S100A13: variants seen among roughly 807,000 people sequenced by gnomAD.
The protein encoded by S100A13 is S100 calcium binding protein A13.
In S100A13, 6 loss-of-function variants were observed where a neutral mutation model predicts 8.2. The observed-to-expected ratio is 0.73, with a 90% CI of 0.40 to 1.44. The LOEUF (loss-of-function observed/expected upper bound fraction) is 1.44, where lower values mean the gene tolerates loss of function less well. Among genes scored for constraint, S100A13 ranks in the 40% most tolerant of loss-of-function variants. The probability of loss-of-function intolerance (pLI) is 0.02; values close to 1 mark genes in which losing one functional copy is unlikely to be tolerated. For missense variants in S100A13, 114 were observed against 113.6 expected (o/e 1.00, Z -0.02); for synonymous variants, 39 against 45.9 (o/e 0.85, Z 0.61).
upstream of S100A13, chr1:153,634,206 C>T (rs1272926186): frequency 6.5e-6 from 1 of 152,784 alleles, no homozygotes; most frequent in Non-Finnish European, 1.5e-5. Context: ...TCGCATACTA[C>T]CGCTTACGCA....
upstream of S100A13, chr1:153,634,104 G>T (rs1365908627): frequency 3.3e-5 from 5 of 152,844 alleles, no homozygotes; most frequent in African/African-American, 1.2e-4. Context: ...GCAGGAGCTG[G>T]CGGCCGCTGC....
intron 2 of S100A13, among the ~76,000 whole-genome samples, chr1:153,625,096 G>A (rs1463769909): frequency 6.6e-6 from 1 of 152,102 alleles, no homozygotes; most frequent in Non-Finnish European, 1.5e-5. Context: ...AAATTAGCCA[G>A]GCAGTGTGGC....
rs779243655 is a variant in S100A13, at chr1:153,626,365, G to T, written c.108C>A (p.Asn36Lys). 6.2e-7 allele frequency: 1 copy of T among 1,614,170 alleles called. No individual in the cohort carries two copies. Among genetic ancestry groups the T allele is most frequent in the Admixed American group, 1.7e-5 (1 of 60,026 alleles). The change falls in exon 2 of 3, where the codon AAC (asparagine) becomes AAA (lysine). Residue 36 changes from asparagine (N) to lysine (K), a missense_variant. Asn to Lys is a moderately conservative substitution (Grantham distance 94, BLOSUM62 0). Coordinates refer to ENST00000476133, the MANE Select transcript of S100A13 (RefSeq NM_001024211.2). ...QEGRKDSLSV[N>K]EFKELVTQQL... The stretch of plus-strand genomic sequence containing the variant: ...GCTGGGTAACCAGCTCTTTGAACTC[G>T]TTGACGCTGAGGCTATCCTTCCGGC...
upstream of S100A13, chr1:153,630,134 C>T (rs1465822007): frequency 1.5e-5 from 5 of 338,752 alleles, no homozygotes; most frequent in Non-Finnish European, 2.7e-5. Flanking sequence ...AAAATAGAGC[C>T]AGAGGAAGCA....
At chr1:153,620,245 C>T (rs1207448780) in intron 2 of S100A13, among the ~76,000 whole-genome samples, 3 of 151,850 alleles carry the variant, frequency 2.0e-5, no homozygotes, top group Admixed American at 6.6e-5. Flanking sequence ...AGAGATCGCG[C>T]CATTGCACTC....
upstream of S100A13, chr1:153,631,404 G>A (rs1052257745): frequency 7.4e-5 from 106 of 1,423,844 alleles, no homozygotes; most frequent in Non-Finnish European, 3.5e-5. Context: ...CACATTATTT[G>A]TATTAGAATT....
At chr1:153,620,973 T>G (rs904273875) in intron 2 of S100A13, among the ~76,000 whole-genome samples, 3 of 151,862 alleles carry the variant, frequency 2.0e-5, no homozygotes, top group African/African-American at 7.3e-5. Context: ...TGGGAACAAT[T>G]CCCATGGATA....
chr1:153,624,006 G>C (rs1667444745), intron 2 of S100A13, among the ~76,000 whole-genome samples: 1 of 152,160 alleles, frequency 6.6e-6, no homozygotes, highest in South Asian at 2.1e-4. Flanking sequence ...TGAGGAGGAA[G>C]GGCAATGAGG....
chr1:153,621,552 A>G (rs1333621836), intron 2 of S100A13, among the ~76,000 whole-genome samples: 1 of 151,516 alleles, frequency 6.6e-6, no homozygotes, highest in Non-Finnish European at 1.5e-5. Context: ...GCGGGTGGAT[A>G]ACTCGAGGTC....
chr1:153,627,859 C>T (rs1667762339), upstream of S100A13: 6 of 644,054 alleles, frequency 9.3e-6, no homozygotes, highest in Non-Finnish European at 1.6e-5. Flanking sequence ...ACTGAGAGGC[C>T]CAATCTGAGA....
At chr1:153,619,441 A>C (rs1272326254) in intron 2 of S100A13, among the ~76,000 whole-genome samples, 1 of 152,236 alleles carries the variant, frequency 6.6e-6, no homozygotes, top group African/African-American at 2.4e-5. Flanking sequence ...GGTTGGACCC[A>C]GTCAGAGCCT....
upstream of S100A13, chr1:153,627,986 G>A (rs1667771845): frequency 8.5e-6 from 13 of 1,527,268 alleles, no homozygotes; most frequent in South Asian, 1.6e-4. Context: ...GAGACCCCCA[G>A]AGAAGAGTCC....
chr1:153,621,014 C>G (rs1481400072), intron 2 of S100A13, among the ~76,000 whole-genome samples: 1 of 151,540 alleles, frequency 6.6e-6, no homozygotes, highest in Non-Finnish European at 1.5e-5. Flanking sequence ...TCATATTATA[C>G]CACAGGGATA....
chr1:153,626,447 A>G lies in S100A13; in HGVS notation c.26T>C (p.Leu9Pro). 1 of 1,614,164 alleles carries G rather than the reference A, an allele frequency of 6.2e-7. No individual in the cohort carries two copies. Among genetic ancestry groups the G allele is most frequent in the Admixed American group, 1.7e-5 (1 of 60,016 alleles). ...GACCACGGTCTCAATGGACTCCTCT[A>G]GCTCTGTCAGTGGTTCTGCTGCCAT... MAAEPLTE[L>P]EESIETVVTT... Residue 9 changes from leucine (L) to proline (P), a missense_variant, in exon 2 of 3, where the codon CTA becomes CCA. By Grantham distance (98) the Leu-to-Pro change is moderately conservative. Transcript: ENST00000476133.
chr1:153,627,172 C>G (rs1245205094), intron 1 of S100A13: 5 of 152,544 alleles, frequency 3.3e-5, no homozygotes, highest in Admixed American at 6.5e-5. Flanking sequence ...GAGTGCTGAA[C>G]CCAGGACCCC....
chr1:153,628,186 T>G (rs1667787594), upstream of S100A13: 8 of 1,550,090 alleles, frequency 5.2e-6, no homozygotes, highest in East Asian at 2.0e-4. Flanking sequence ...ACATCCAGTG[T>G]CCCTCCCAGG....
chr1:153,625,141 G>T (rs1667528222), intron 2 of S100A13, among the ~76,000 whole-genome samples: 1 of 152,302 alleles, frequency 6.6e-6, no homozygotes, highest in African/African-American at 2.4e-5. Context: ...GTGAGGCTGG[G>T]GCAGGAGGAT....
chr1:153,631,296 G>T, upstream of S100A13: 1 of 678,412 alleles, frequency 1.5e-6, no homozygotes, highest in Non-Finnish European at 2.4e-6. Flanking sequence ...TCAAATTCCA[G>T]CCCTGCTACT....
upstream of S100A13, chr1:153,627,916 G>C: frequency 9.8e-7 from 1 of 1,015,234 alleles, no homozygotes. Flanking sequence ...GGATGCTACA[G>C]ACCAAGATCC....
Sources: allele counts gnomAD v4.1 joint callset (sites outside exome capture counted in the v4.1 genomes callset), GRCh38; gene constraint gnomAD v4.1.1; transcripts MANE v1.5; gene names NCBI Gene and HGNC (gene_info 2026-07-23, HGNC 2026-07-21).